VEGFC: variants seen among roughly 807,000 people sequenced by gnomAD.
The protein encoded by VEGFC is FLT4 ligand DHM.
A neutral mutation model predicts 46.1 loss-of-function variants in VEGFC; 12 were observed. That is an observed-to-expected ratio of 0.26 (90% confidence interval 0.17 to 0.42). VEGFC has a LOEUF of 0.42. Ranked by LOEUF, VEGFC falls within the 10% of genes least tolerant of loss-of-function variation. VEGFC has a pLI of 1.00. For missense variants in VEGFC, 488 were observed against 529.4 expected (o/e 0.92, Z 0.77); for synonymous variants, 232 against 195.5 (o/e 1.19, Z -1.56).
At chr4:176,693,686 A>G (rs1473138131) in intron 4 of VEGFC, among the ~76,000 whole-genome samples, 1 of 145,804 alleles carries the variant, frequency 6.9e-6, no homozygotes, top group East Asian at 1.9e-4. Flanking sequence ...CAGATTCACC[A>G]AAGTTGAAAT....
At chr4:176,760,647 A>T (rs879635108) in intron 1 of VEGFC, among the ~76,000 whole-genome samples, 32 of 152,128 alleles carry the variant, frequency 2.1e-4, no homozygotes, top group Non-Finnish European at 4.4e-4. Context: ...CTATGCCAGA[A>T]TTTTTTCATA....
At chr4:176,722,662 C>T (rs893667812) in intron 3 of VEGFC, among the ~76,000 whole-genome samples, 1 of 151,920 alleles carries the variant, frequency 6.6e-6, no homozygotes, top group East Asian at 1.9e-4. Flanking sequence ...CCATGCCTGG[C>T]TAATTTTTAT....
At chr4:176,735,650 G>T (rs755738421) in intron 1 of VEGFC, among the ~76,000 whole-genome samples, 1 of 151,832 alleles carries the variant, frequency 6.6e-6, no homozygotes, top group African/African-American at 2.4e-5. Context: ...CAAAATGTAA[G>T]AGGTTACATA....
chr4:176,724,363 A>G (rs1734839058), intron 3 of VEGFC, among the ~76,000 whole-genome samples: 1 of 152,170 alleles, frequency 6.6e-6, no homozygotes, highest in Admixed American at 6.5e-5. Flanking sequence ...TTGTGCACTG[A>G]TTCTGTGGTA....
intron 6 of VEGFC, among the ~76,000 whole-genome samples, chr4:176,686,546 C>T (rs1482727319): frequency 1.3e-5 from 2 of 152,094 alleles, no homozygotes; most frequent in Non-Finnish European, 2.9e-5. Context: ...AAATGTCAAA[C>T]GGACAGGTCT....
intron 6 of VEGFC, among the ~76,000 whole-genome samples, chr4:176,685,016 C>G (rs2110959873): frequency 6.6e-6 from 1 of 152,262 alleles, no homozygotes; most frequent in African/African-American, 2.4e-5. Context: ...TGTGAGCCAC[C>G]ACGCCTGGTG....
intron 3 of VEGFC, among the ~76,000 whole-genome samples, chr4:176,718,495 A>C (rs1734731203): frequency 6.6e-6 from 1 of 152,180 alleles, no homozygotes. Flanking sequence ...GTTAATATAC[A>C]TGCTCATATT....
At chr4:176,684,445 C>A (rs1002038849) in intron 6 of VEGFC, among the ~76,000 whole-genome samples, 1 of 152,126 alleles carries the variant, frequency 6.6e-6, no homozygotes, top group Non-Finnish European at 1.5e-5. Flanking sequence ...GACTTCCAGG[C>A]AATTAAACCC....
At chr4:176,705,580 T>C (rs1165364412) in intron 4 of VEGFC, among the ~76,000 whole-genome samples, 1 of 152,178 alleles carries the variant, frequency 6.6e-6, no homozygotes, top group Non-Finnish European at 1.5e-5. Flanking sequence ...TCTTTAGCAT[T>C]TTACACATTA....
At chr4:176,694,295 C>A (rs1471602428) in intron 4 of VEGFC, among the ~76,000 whole-genome samples, 1 of 151,208 alleles carries the variant, frequency 6.6e-6, no homozygotes, top group Non-Finnish European at 1.5e-5. Context: ...ATCTACCAAG[C>A]AAATGGAAAA....
At chr4:176,717,559 G>C (rs1734718402) in intron 3 of VEGFC, among the ~76,000 whole-genome samples, 1 of 152,008 alleles carries the variant, frequency 6.6e-6, no homozygotes, top group Admixed American at 6.6e-5. Flanking sequence ...CTTCCTTACT[G>C]AGAGGATCTT....
intron 4 of VEGFC, among the ~76,000 whole-genome samples, chr4:176,688,950 C>T (rs80127973): frequency 6.6e-6 from 1 of 152,238 alleles, no homozygotes; most frequent in African/African-American, 2.4e-5. Flanking sequence ...TACTACTAGA[C>T]CTTTTCAGGG....
chr4:176,743,007 A>C (rs1735202226), intron 1 of VEGFC, among the ~76,000 whole-genome samples: 1 of 152,036 alleles, frequency 6.6e-6, no homozygotes, highest in Non-Finnish European at 1.5e-5. Context: ...AAGCGAGCCC[A>C]AGTGGGTGCT....
intron 2 of VEGFC, among the ~76,000 whole-genome samples, chr4:176,728,969 C>T (rs1438577012): frequency 6.6e-6 from 1 of 152,046 alleles, no homozygotes; most frequent in Non-Finnish European, 1.5e-5. Context: ...CCAATGGTCT[C>T]GGATTACAGA....
At chr4:176,701,840 T>C (rs976738986) in intron 4 of VEGFC, among the ~76,000 whole-genome samples, 1 of 152,190 alleles carries the variant, frequency 6.6e-6, no homozygotes, top group Non-Finnish European at 1.5e-5. Flanking sequence ...CAGTAGTTTC[T>C]GATGATCTAG....
chr4:176,764,728 G>T (rs1162623815), intron 1 of VEGFC, among the ~76,000 whole-genome samples: 1 of 152,170 alleles, frequency 6.6e-6, no homozygotes, highest in East Asian at 1.9e-4. Flanking sequence ...TAATGGAACT[G>T]GAGTGATCTG....
chr4:176,779,966 T>A (rs914019592), intron 1 of VEGFC, among the ~76,000 whole-genome samples: 3 of 152,318 alleles, frequency 2.0e-5, no homozygotes, highest in Admixed American at 1.3e-4. Context: ...GTTTAAGACA[T>A]CTTGGTCATA....
chr4:176,756,333 G>A (rs999070614), intron 1 of VEGFC, among the ~76,000 whole-genome samples: 1 of 152,022 alleles, frequency 6.6e-6, no homozygotes, highest in African/African-American at 2.4e-5. Flanking sequence ...TACTAAAGAA[G>A]TAGAATCAAT....
chr4:176,720,951 T>C (rs760783109), intron 3 of VEGFC, among the ~76,000 whole-genome samples: 11 of 145,414 alleles, frequency 7.6e-5, no homozygotes, highest in Non-Finnish European at 1.6e-4. Flanking sequence ...TGGAAGCACA[T>C]AACAGAATGT....
Sources: gnomAD v4.1 joint callset for allele counts (sites outside exome capture counted in the v4.1 genomes callset) on GRCh38, gnomAD v4.1.1 for gene constraint, MANE v1.5 for transcripts, NCBI Gene and HGNC (gene_info 2026-07-23, HGNC 2026-07-21) for gene names.